The following GBF1 variants were observed in gnomAD, a reference collection of about 807,000 sequenced individuals.
The protein encoded by GBF1 is Golgi-specific brefeldin A-resistance guanine nucleotide exchange factor 1.
GBF1 carries 114 observed loss-of-function variants against 210.5 expected under a neutral mutation model. That is an observed-to-expected ratio of 0.54 (90% CI 0.47 to 0.63). The LOEUF (loss-of-function observed/expected upper bound fraction) is 0.63. Ranked by LOEUF, GBF1 falls within the 30% of genes least tolerant of loss-of-function variation. The probability of loss-of-function intolerance (pLI) is 0.00; values close to 1 mark genes in which losing one functional copy is unlikely to be tolerated. For missense variants in GBF1, 1,851 were observed against 2,357.7 expected, an observed-to-expected ratio of 0.79 and a Z score of 4.45; for synonymous variants, 850 against 889.2, an observed-to-expected ratio of 0.96 and a Z score of 0.78.
At chr10:102,355,765 A>C (rs2059256795) in intron 8 of GBF1, among the ~76,000 whole-genome samples, 2 of 152,244 alleles carry the variant, frequency 1.3e-5, no homozygotes, top group Admixed American at 6.5e-5. Flanking sequence ...CTACCTCATA[A>C]AAGTAGATCC....
At chr10:102,298,175 C>T (rs1337450465) in intron 3 of GBF1, among the ~76,000 whole-genome samples, 1 of 152,008 alleles carries the variant, frequency 6.6e-6, no homozygotes, top group African/African-American at 2.4e-5. Context: ...CCTCGTGATC[C>T]CCCCGCCTCA....
rs766606771 is a variant in GBF1, at chr10:102,359,427, A to G, written c.1172A>G (p.Gln391Arg). ...PRGVRFTQSS[Q>R]KEGTALVPYG... ...GGCGTGCGCTTTACACAGTCCTCCC[A>G]GAAAGAAGGTGGGTATTCTGGTAGG... The change falls in exon 11 of 40, where the codon CAG (glutamine) becomes CGG (arginine). Residue 391 changes from glutamine to arginine, a missense_variant. Around this residue, in one of 3 missense-constraint regions of GBF1, gnomAD observed 804 missense variants for 958.6 expected, o/e 0.84. Transcript: ENST00000369983. The G allele has an allele frequency of 2.5e-6, 4 of 1,612,722 alleles. No individual in the cohort carries two copies. The Admixed American group carries it at 6.7e-5, about 27-fold the overall frequency.
intron 3 of GBF1, among the ~76,000 whole-genome samples, chr10:102,299,707 G>A (rs1299337043): frequency 6.6e-6 from 1 of 152,100 alleles, no homozygotes; most frequent in African/African-American, 2.4e-5. Context: ...GCTTGAACCC[G>A]GGAGGTGGAG....
rs1467509909 is a variant in GBF1 at position 102,370,174 on chromosome 10, C to G, written c.3340C>G (p.Gln1114Glu). ...AKRVALECIK[Q>E]CDPEKMITES... Reference sequence around the variant, plus strand: ...CCCCTCTCTCTTTTGCCCTCTCTAGCAATGTGACCCAGAAAAAATGATCAC... The same window carrying G: ...CCCCTCTCTCTTTTGCCCTCTCTAGGAATGTGACCCAGAAAAAATGATCAC... The change falls in exon 27 of 40, where the codon CAA becomes GAA. Residue 1114 changes from glutamine (Q) to glutamate (E), a missense_variant and splice_region_variant. Gln to Glu is a conservative substitution (Grantham distance 29, BLOSUM62 2). Around this residue, in one of 3 missense-constraint regions of GBF1, gnomAD observed 967 missense variants for 1,247.7 expected, o/e 0.78. Transcript: ENST00000369983. 1.2e-6 allele frequency: 2 copies of G among 1,608,802 alleles called. No homozygotes were observed. The highest frequency in any genetic ancestry group is 1.7e-6 in the Non-Finnish European group (2 of 1,175,120).
At chr10:102,232,564 C>A in the GBF1 span, among the ~76,000 whole-genome samples, 1 of 152,130 alleles carries the variant, frequency 6.6e-6, no homozygotes, top group Non-Finnish European at 1.5e-5. Context: ...TGCCTGTAAT[C>A]TCAGCTACTC....
intron 23 of GBF1, 78 bp from the exon 24 acceptor site, chr10:102,369,133 A>G (rs2060069653): frequency 2.8e-6 from 3 of 1,071,308 alleles, no homozygotes; most frequent in African/African-American, 1.6e-5. Context: ...TGAGGGAACC[A>G]TCATAGGCAG....
rs1195614185 is a variant in GBF1 at position 102,363,374 on chromosome 10, G to A, written c.1995G>A (p.Leu665=). 1 of 1,613,978 alleles carries A rather than the reference G, an allele frequency of 6.2e-7. No individual in the cohort carries two copies. The highest frequency in any genetic ancestry group is 8.5e-7 in the Non-Finnish European group (1 of 1,179,904). ...ATGGGAAATCAGGATGCAGTGATCT[G>A]GAGGAAGCTGTTGACTCTGGGGGTG... ...PEHGKSGCSD[L]EEAVDSGADK... is the part of the protein sequence containing the mutation. The change falls in exon 16 of 40, where the codon CTG becomes CTA. Residue 665 remains leucine, a synonymous_variant. Transcript: ENST00000369983. This position sits in a 1 kb window ranked among gnomAD's most constrained non-coding sequence, Gnocchi z 4.2.
At chr10:102,369,689 T>G (rs1418959940) in intron 24 of GBF1, 22 bp from the exon 25 acceptor site, 4 of 1,610,004 alleles carry the variant, frequency 2.5e-6, no homozygotes, top group East Asian at 4.5e-5. Flanking sequence ...TGGAAAGAAA[T>G]TATTTTGACT....
chr10:102,370,511 T>C lies in GBF1; in HGVS notation c.3506+33T>C, dbSNP rs766942256. 18 of 1,532,024 alleles carry C rather than the reference T, an allele frequency of 1.2e-5. 2 individuals are homozygous for C. In the South Asian group the frequency reaches 2.0e-4, roughly 17 times the overall value. 94.9% of individuals were successfully genotyped at this position (1,532,024 alleles called of 1,614,324 possible). ...GAGCGTAGTCTTTAGGCAGACCCCA[T>C]GCTGGGCTTGTGCCAAAGGGATGGA... On this transcript the variant is annotated intron_variant, in intron 28 of 39. Transcript: ENST00000369983.
At chr10:102,233,207 T>C in the GBF1 span, among the ~76,000 whole-genome samples, 99,912 of 151,558 alleles carry the variant, frequency 0.66, 33,333 homozygotes, top group African/African-American at 0.76. Flanking sequence ...GGGACTCAGC[T>C]GCGGTTCTAG....
rs1020401201 is a variant in GBF1, at chr10:102,363,541, A to C, written c.2017+145A>C. On this transcript the variant is annotated intron_variant, in intron 16 of 39. Transcript: ENST00000369983. This position sits in a 1 kb window ranked among gnomAD's most constrained non-coding sequence, Gnocchi z 4.2. ...CAGACTCAGAGAGAGGGAAGCAAAC[A>C]TATGGACCCTCAGTTGATAGGACTT... 2.3e-6 allele frequency: 2 copies of C among 876,190 alleles called. No individual in the cohort carries two copies. The highest frequency in any genetic ancestry group is 3.2e-5 in the South Asian group (2 of 62,222). 54.3% of individuals were successfully genotyped at this position (876,190 alleles called of 1,614,324 possible).
At chr10:102,263,865 T>G (rs2073535092) in intron 3 of GBF1, among the ~76,000 whole-genome samples, 1 of 152,204 alleles carries the variant, frequency 6.6e-6, no homozygotes, top group Non-Finnish European at 1.5e-5. Context: ...ATACTGTTAC[T>G]TTGGATAAAG....
intron 8 of GBF1, among the ~76,000 whole-genome samples, chr10:102,356,607 T>C (rs1565151739): frequency 6.6e-6 from 1 of 151,866 alleles, no homozygotes; most frequent in South Asian, 2.1e-4. Flanking sequence ...CTACTAAAAA[T>C]ACAAAAAGAA....
chr10:102,305,733 GA>G (rs1349300199), intron 3 of GBF1, among the ~76,000 whole-genome samples: 4 of 152,040 alleles, frequency 2.6e-5, no homozygotes, highest in African/African-American at 2.4e-5. Flanking sequence ...AAAGAAAAAA[GA>G]AAAAAAGAAA....
In GBF1 at chr10:102,370,853, G is replaced by C. The variant is rs2060168165; in HGVS notation, c.3653G>C (p.Ser1218Thr). 6.2e-7 allele frequency: 1 copy of C among 1,613,980 alleles called. No individual in the cohort carries two copies. The change falls in exon 29 of 40, where the codon AGT (serine) becomes ACT (threonine). Residue 1218 changes from serine to threonine, a missense_variant. Around this residue, in one of 3 missense-constraint regions of GBF1, gnomAD observed 967 missense variants for 1,247.7 expected, o/e 0.78. Coordinates refer to ENST00000369983, the MANE Select transcript of GBF1 (RefSeq NM_001377137.1). ...CGGCTTCTCCGGAGAGAAGAGATCA[G>C]TGCTCAGGTAAGCAGAATGCATCTT... ...AIRLLRREEI[S>T]AQVLLSLRIL...
At chr10:102,269,724 T>A (rs1289506683) in intron 3 of GBF1, among the ~76,000 whole-genome samples, 1 of 152,104 alleles carries the variant, frequency 6.6e-6, no homozygotes, top group Non-Finnish European at 1.5e-5. Context: ...CAAATGAGTT[T>A]TTGCATTTAA....
At chr10:102,318,716 T>G (rs2056090448) in intron 3 of GBF1, among the ~76,000 whole-genome samples, 1 of 152,180 alleles carries the variant, frequency 6.6e-6, no homozygotes. Flanking sequence ...TTTAGCTGTT[T>G]ATTCAGTTGT....
chr10:102,281,432 A>G (rs1247707723), intron 3 of GBF1, among the ~76,000 whole-genome samples: 4 of 152,082 alleles, frequency 2.6e-5, no homozygotes, highest in African/African-American at 7.2e-5. Context: ...CTACTAAATT[A>G]TGTGATATTT....
At position 102,361,067 on chromosome 10, in the gene GBF1, G is replaced by A. The variant is rs1323019042; in HGVS notation, c.1438G>A (p.Val480Ile). Residue 480 changes from valine (V) to isoleucine (I), a missense_variant, in exon 13 of 40, where the codon GTA becomes ATA. This residue lies in a region of GBF1 where 804 missense variants were observed against 958.6 expected (regional missense o/e 0.84). Transcript: ENST00000369983. Reference sequence around the variant, plus strand: ...AAACCTTTATGCTGCTTCCCTGCGAGTATGCTTCCTACTGTTTGAGAGCAT... The same window carrying A: ...AAACCTTTATGCTGCTTCCCTGCGAATATGCTTCCTACTGTTTGAGAGCAT... ...RLNLYAASLR[V>I]CFLLFESMRE... 2.5e-6 allele frequency: 4 copies of A among 1,608,588 alleles called. No homozygotes were observed. The highest frequency in any genetic ancestry group is 3.4e-6 in the Non-Finnish European group (4 of 1,175,252).
Sources: allele counts gnomAD v4.1 joint callset (sites outside exome capture counted in the v4.1 genomes callset), GRCh38; gene constraint gnomAD v4.1.1; regional missense constraint gnomAD v4.1.1; non-coding constraint Gnocchi (gnomAD v3.1); transcripts MANE v1.5; gene names NCBI Gene and HGNC (gene_info 2026-07-23, HGNC 2026-07-21).